TTN: variants seen among roughly 807,000 people sequenced by gnomAD.
The protein encoded by TTN is titin.
TTN carries 1,525 observed loss-of-function variants against 3,223.0 expected under a neutral mutation model. The observed-to-expected ratio is 0.47, with a 90% CI of 0.45 to 0.49. TTN has a LOEUF of 0.49. Among genes scored for constraint, TTN ranks in the 20% least tolerant of loss-of-function variants. The probability of loss-of-function intolerance (pLI) is 0.00; values close to 1 mark genes in which losing one functional copy is unlikely to be tolerated. For missense variants in TTN, 40,786 were observed against 43,424.0 expected (o/e 0.94, Z 5.40); for synonymous variants, 14,094 against 15,161.0 (o/e 0.93, Z 5.17).
Position 178,527,266 on chromosome 2 carries a change from T to G in TTN, c.107722A>C (p.Ile35908Leu). 8.1e-6 allele frequency: 13 copies of G among 1,608,416 alleles called. No homozygotes were observed. Among genetic ancestry groups the G allele is most frequent in the Non-Finnish European group, 1.1e-5 (13 of 1,175,920 alleles). The change falls in exon 363 of 363, where the codon ATT becomes CTT. Residue 35908 changes from isoleucine to leucine, a missense_variant. Ile to Leu is a conservative substitution (Grantham distance 5). Transcript: ENST00000589042. ...ACTGTTAGAACTTTGCCTTCATCAA[T>G]GCTGATATCAGATGGAAGAGCTTCA... ...KIEALPSDIS[I>L]DEGKVLTVAC...
In TTN at chr2:178,664,509, C is replaced by T. The variant is rs367771375; in HGVS notation, c.36231G>A (p.Pro12077=). 114 of 1,612,074 alleles carry T rather than the reference C, an allele frequency of 7.1e-5. No individual in the cohort carries two copies. The highest frequency in any genetic ancestry group is 7.8e-5 in the Non-Finnish European group (92 of 1,179,466). The change falls in exon 168 of 363, where the codon CCG becomes CCA. Residue 12077 remains proline (P), a synonymous_variant. Coordinates refer to ENST00000589042, the MANE Select transcript of TTN (RefSeq NM_001267550.2). ...EVPEALREVV[P]EKKVHPPQRA... Reference sequence around the variant, plus strand: ...TTTGGGGAGGATGCACTTTCTTTTCCGGGACAACTTCTCTGAGAGCCTCCG... The same window carrying T: ...TTTGGGGAGGATGCACTTTCTTTTCTGGGACAACTTCTCTGAGAGCCTCCG...
Position 178,770,661 on chromosome 2 carries a change from T to C in TTN, c.8131A>G (p.Lys2711Glu). The C allele has an allele frequency of 1.2e-6, 2 of 1,612,598 alleles. No homozygotes were observed. Among genetic ancestry groups the C allele is most frequent in the Non-Finnish European group, 1.7e-6 (2 of 1,179,968 alleles). ...GTCACTGTGAGGTTCTTCAGAGTCTTCTTAATTTTGACAGCTAAAGACAAA... is the reference window on the plus strand; with the variant it reads ...GTCACTGTGAGGTTCTTCAGAGTCTCCTTAATTTTGACAGCTAAAGACAAA... Reference protein sequence around the residue: ...KLKVEAVKIKKTLKNLTVTET... With the variant: ...KLKVEAVKIKETLKNLTVTET... The change falls in exon 35 of 363, where the codon AAG becomes GAG. Residue 2711 changes from lysine (K) to glutamate (E), a missense_variant. Physicochemically the swap from Lys to Glu is moderately conservative, Grantham distance 56. Transcript: ENST00000589042.
At chr2:178,678,234 G>C (rs2068535540) in intron 144 of TTN, 26 bp from the exon 145 acceptor site, 1 of 1,578,058 alleles carries the variant, frequency 6.3e-7, no homozygotes, top group Non-Finnish European at 8.6e-7. Flanking sequence ...TTATATTTAG[G>C]AATATGTTCT....
chr2:178,679,376 C>T lies in TTN; in HGVS notation c.33705G>A (p.Val11235=). 6.2e-7 allele frequency: 1 copy of T among 1,612,560 alleles called. No homozygotes were observed. The highest frequency in any genetic ancestry group is 8.5e-7 in the Non-Finnish European group (1 of 1,179,034). Residue 11235 remains valine (V), a synonymous_variant, in exon 142 of 363, where the codon GTG becomes GTA. Coordinates refer to ENST00000589042, the MANE Select transcript of TTN (RefSeq NM_001267550.2). ...GAGGCTTCTCCTTTTTAGGAATAAG[C>T]ACAGGAACTTTCTCCTCTGGCTTCT... The part of the protein sequence containing the change: ...VPKKPEEKVP[V]LIPKKEKPPP...
At chr2:178,714,221 A>G in intron 91 of TTN, 46 bp from the exon 92 acceptor site, 1 of 1,589,520 alleles carries the variant, frequency 6.3e-7, no homozygotes, top group Non-Finnish European at 8.6e-7. Flanking sequence ...CTCAAATTGA[A>G]AAACTAAAGA....
chr2:178,740,447 G>T lies in TTN; in HGVS notation c.12786C>A (p.Ile4262=). 6.2e-7 allele frequency: 1 copy of T among 1,613,562 alleles called. No individual in the cohort carries two copies. The highest frequency in any genetic ancestry group is 2.2e-5 in the East Asian group (1 of 44,764). Residue 4262 remains isoleucine (I), a synonymous_variant, in exon 48 of 363, where the codon ATC becomes ATA. Transcript: ENST00000589042. The stretch of plus-strand genomic sequence containing the variant: ...GTCCCTCAGCTAAGCTCTGACTCAA[G>T]ATGAGCGCACTTTGTGCCTCTTGCT... The part of the protein sequence containing the change: ...LQKQEAQSAL[I]LSQSLAEGHV...
At position 178,650,184 on chromosome 2, in the gene TTN, G is replaced by A. The variant is rs1244743088; in HGVS notation, c.39797C>T (p.Pro13266Leu). Residue 13266 changes from proline to leucine, a missense_variant, in exon 210 of 363, where the codon CCA becomes CTA. Physicochemically the swap from Pro to Leu is moderately conservative, Grantham distance 98. Transcript: ENST00000589042. Reference sequence around the variant, plus strand: ...TGTACCTGCTGGAGGTGGAACCTCTGGTTCCTCCTCTTCTGCAACAGGAAC... The same window carrying A: ...TGTACCTGCTGGAGGTGGAACCTCTAGTTCCTCCTCTTCTGCAACAGGAAC... The part of the protein sequence containing the change: ...KPVPVAEEEE[P>L]EVPPPAVPEE... The A allele has an allele frequency of 1.3e-6, 2 of 1,587,708 alleles. No homozygotes were observed. Among genetic ancestry groups the A allele is most frequent in the South Asian group, 2.3e-5 (2 of 87,080 alleles).
At chr2:178,662,670 A>C in intron 175 of TTN, 54 bp from the exon 176 acceptor site, 2 of 869,468 alleles carry the variant, frequency 2.3e-6, no homozygotes, top group Non-Finnish European at 3.3e-6. Context: ...TATATATTAC[A>C]GTGATTGTGA....
Position 178,799,829 on chromosome 2 carries a change from T to C in TTN, c.665A>G (p.Glu222Gly). Residue 222 changes from glutamate (E) to glycine (G), a missense_variant, in exon 5 of 363, where the codon GAA (glutamate) becomes GGA (glycine). Glu to Gly is a moderately conservative substitution (Grantham distance 98). Coordinates refer to ENST00000589042, the MANE Select transcript of TTN (RefSeq NM_001267550.2). Reference sequence around the variant, plus strand: ...ACCAACAGTATAGAAAAATACCTTTTCAATTCGGGTTTGTCTTGATTCTGA... The same window carrying C: ...ACCAACAGTATAGAAAAATACCTTTCCAATTCGGGTTTGTCTTGATTCTGA... ...QISESRQTRI[E>G]KKIEAHFDAR... 6.2e-7 allele frequency: 1 copy of C among 1,614,160 alleles called. No individual in the cohort carries two copies. The highest frequency in any genetic ancestry group is 1.1e-5 in the South Asian group (1 of 91,084).
intron 339 of TTN, 48 bp from the exon 340 acceptor site, chr2:178,547,353 CAG>C: frequency 6.4e-7 from 1 of 1,571,730 alleles, no homozygotes; most frequent in African/African-American, 1.4e-5. Context: ...TTATAAAATT[CAG>C]GGGAAACATT....
At chr2:178,644,686 C>G (rs998520032) in intron 217 of TTN, 70 bp from the exon 218 acceptor site, 5 of 1,236,120 alleles carry the variant, frequency 4.0e-6, no homozygotes, top group Admixed American at 3.1e-5. Context: ...ACTTTCTACT[C>G]CAAGAATCAA....
At chr2:178,586,985 T>C (rs2049145417) in intron 307 of TTN, 133 bp downstream of exon 307, 2 of 1,374,878 alleles carry the variant, frequency 1.5e-6, no homozygotes, top group Non-Finnish European at 2.0e-6. Flanking sequence ...ATGAGTGAGA[T>C]AGATATTTAT....
chr2:178,728,736 G>A lies in TTN; in HGVS notation c.19190C>T (p.Thr6397Met), dbSNP rs199564845. The stretch of plus-strand genomic sequence containing the variant: ...TTCCAAGGTCATGGGATCTTTCTCC[G>A]TAACATCAACTGATTTAGCTTTCTC... ...IVEKAKSVDV[T>M]EKDPMTLECV... Residue 6397 changes from threonine (T) to methionine (M), a missense_variant, in exon 66 of 363, where the codon ACG (threonine) becomes ATG (methionine). Physicochemically the swap from Thr to Met is moderately conservative, Grantham distance 81. Coordinates refer to ENST00000589042, the MANE Select transcript of TTN (RefSeq NM_001267550.2). 45 of 1,608,148 alleles carry A rather than the reference G, an allele frequency of 2.8e-5. No individual in the cohort carries two copies. The highest frequency in any genetic ancestry group is 9.4e-5 in the African/African-American group (7 of 74,834).
rs1294499811 is a variant in TTN at position 178,549,338 on chromosome 2, CTT to C, written c.92286_92287del (p.Ser30763HisfsTer14). On this transcript the variant is annotated frameshift_variant, in exon 339 of 363. Coordinates refer to ENST00000589042, the MANE Select transcript of TTN (RefSeq NM_001267550.2). LOFTEE classifies it high-confidence loss of function. Reference sequence around the variant, plus strand: ...GCTGATCACTTTTACCCATCTTGTGCTTTTCTTTTCTCTTCTTTCAAGGATAT... The same window carrying C: ...GCTGATCACTTTTACCCATCTTGTGCTTCTTTTCTCTTCTTTCAAGGATAT... 1 of 1,613,734 alleles carries C rather than the reference CTT, an allele frequency of 6.2e-7. No individual in the cohort carries two copies. Among genetic ancestry groups the C allele is most frequent in the Non-Finnish European group, 8.5e-7 (1 of 1,179,808 alleles).
At chr2:178,550,851 A>T in intron 336 of TTN, 116 bp downstream of exon 336, 2 of 911,774 alleles carry the variant, frequency 2.2e-6, no homozygotes, top group Non-Finnish European at 3.3e-6. Context: ...TAATTCATCC[A>T]CTTAGCAACC....
chr2:178,610,874 G>T, intron 270 of TTN, 119 bp downstream of exon 270: 1 of 1,234,812 alleles, frequency 8.1e-7, no homozygotes, highest in Non-Finnish European at 1.1e-6. Flanking sequence ...AATCAGAAGT[G>T]ACATTTAGTT....
At position 178,566,002 on chromosome 2, in the gene TTN, A is replaced by G. The variant is rs2154165269; in HGVS notation, c.80130T>C (p.Asp26710=). 1.2e-6 allele frequency: 2 copies of G among 1,613,530 alleles called. No individual in the cohort carries two copies. The highest frequency in any genetic ancestry group is 1.7e-6 in the Non-Finnish European group (2 of 1,179,614). ...AFLVWEPPII[D]GGAKVKNYVI... ...CATAGTTCTTGACCTTTGCCCCTCCATCAATGATGGGTGGCTCCCATACCA... is the reference window on the plus strand; with the variant it reads ...CATAGTTCTTGACCTTTGCCCCTCCGTCAATGATGGGTGGCTCCCATACCA... The change falls in exon 326 of 363, where the codon GAT becomes GAC. Residue 26710 remains aspartate (D), a synonymous_variant. Coordinates refer to ENST00000589042, the MANE Select transcript of TTN (RefSeq NM_001267550.2).
In TTN at chr2:178,799,492, C is replaced by G. The variant is rs1288231396; in HGVS notation, c.909G>C (p.Pro303=). 6.2e-7 allele frequency: 1 copy of G among 1,614,038 alleles called. No individual in the cohort carries two copies. The highest frequency in any genetic ancestry group is 8.5e-7 in the Non-Finnish European group (1 of 1,179,988). The part of the protein sequence containing the change: ...VRHVRAPTPS[P]VRSVSPAARI... ...TCTCTCTATGGCAGCTTTACCTGAC[C>G]GGAGATGGGGTCGGTGCCCGCACGT... The change falls in exon 6 of 363, where the codon CCG becomes CCC. Residue 303 remains proline, a synonymous_variant. Transcript: ENST00000589042.
rs752147588 is a variant in TTN, at chr2:178,775,596, C to A, written c.6268G>T (p.Gly2090Cys). Residue 2090 changes from glycine (G) to cysteine (C), a missense_variant, in exon 28 of 363, where the codon GGC becomes TGC. Gly to Cys is a radical substitution (Grantham distance 159). Transcript: ENST00000589042. ...CGGAAGTGTGCATCAGATCCTTGGC[C>A]CACTGTTTGGCTCTGGATTCTTTCG... Reference protein sequence around the residue: ...IFERIQSQTVGQGSDAHFRVR... With the variant: ...IFERIQSQTVCQGSDAHFRVR... 65 of 1,613,954 alleles carry A rather than the reference C, an allele frequency of 4.0e-5. No homozygotes were observed. In the South Asian group the frequency reaches 6.9e-4, roughly 17 times the overall value.
Sources: allele counts gnomAD v4.1 joint callset, GRCh38; gene constraint gnomAD v4.1.1; transcripts MANE v1.5; gene names NCBI Gene and HGNC (gene_info 2026-07-23, HGNC 2026-07-21).